The following KATNA1 variants were observed in gnomAD, a reference collection of about 807,000 sequenced individuals.
The protein encoded by KATNA1 is katanin catalytic subunit A1, also known as katanin p60 ATPase-containing subunit A1.
A neutral mutation model predicts 62.6 loss-of-function variants in KATNA1; 42 were observed. That is an observed-to-expected ratio of 0.67 (90% confidence interval 0.52 to 0.87). The LOEUF is 0.87. KATNA1 is among the 40% of genes least tolerant of loss of function. The pLI is 0.00. For synonymous variants in KATNA1, 186 were observed against 201.9 expected (o/e 0.92, Z 0.67); for missense variants, 498 against 612.5 (o/e 0.81, Z 1.97).
chr6:149,628,200 C>G (rs1042339002), intron 3 of KATNA1, among the ~76,000 whole-genome samples: 3 of 151,314 alleles, frequency 2.0e-5, no homozygotes, highest in African/African-American at 7.3e-5. Context: ...TGGGTTCACG[C>G]CATTCTCCTG....
At position 149,595,053 on chromosome 6, in the gene KATNA1, C is replaced by G. The variant is rs775039492; in HGVS notation, c.1459G>C (p.Glu487Gln). 3.7e-6 allele frequency: 6 copies of G among 1,613,702 alleles called. No homozygotes were observed. In the East Asian group the frequency reaches 1.1e-4, roughly 30 times the overall value. Residue 487 changes from glutamate to glutamine, a missense_variant, in exon 11 of 11, where the codon GAG becomes CAG. By Grantham distance (29) the Glu-to-Gln change is conservative. Coordinates refer to ENST00000367411, the MANE Select transcript of KATNA1 (RefSeq NM_007044.4). Reference sequence around the variant, plus strand: ...GTGAGAATTTAGCATGATCCAAACTCAAATATCCATTTCTCGTATCTTTCA... The same window carrying G: ...GTGAGAATTTAGCATGATCCAAACTGAAATATCCATTTCTCGTATCTTTCA... ...DIERYEKWIF[E>Q]FGSC
intron 10 of KATNA1, among the ~76,000 whole-genome samples, chr6:149,595,839 G>A (rs961223919): frequency 5.9e-5 from 9 of 152,122 alleles, no homozygotes; most frequent in Admixed American, 2.0e-4. Flanking sequence ...GGAAACGAGC[G>A]CAGTCAAGCC....
chr6:149,637,365 T>A (rs1485285958), intron 2 of KATNA1, among the ~76,000 whole-genome samples: 1 of 152,088 alleles, frequency 6.6e-6, no homozygotes, highest in Non-Finnish European at 1.5e-5. Context: ...CTGTAGAGAC[T>A]GCACTCCCTC....
intron 4 of KATNA1, among the ~76,000 whole-genome samples, chr6:149,617,378 T>C (rs1779203201): frequency 6.6e-6 from 1 of 152,240 alleles, no homozygotes; most frequent in South Asian, 2.1e-4. Context: ...TAAAACTCAG[T>C]TGAATTTCTA....
chr6:149,607,373 A>C (rs1778778944), intron 4 of KATNA1, among the ~76,000 whole-genome samples: 1 of 152,170 alleles, frequency 6.6e-6, no homozygotes, highest in Non-Finnish European at 1.5e-5. Context: ...TCTAGCACTT[A>C]GGCTGAGGGG....
chr6:149,607,418 G>A (rs1447094287), intron 4 of KATNA1, among the ~76,000 whole-genome samples: 1 of 152,012 alleles, frequency 6.6e-6, no homozygotes, highest in African/African-American at 2.4e-5. Flanking sequence ...TCGAGATCAG[G>A]CTGGCCAACA....
chr6:149,597,259 T>C lies in KATNA1; in HGVS notation c.1151-70A>G, dbSNP rs1361689973. The stretch of plus-strand genomic sequence containing the variant: ...CATAGTATACTATTGTCTCAAATCT[T>C]CTTTGTGTGAGATGTTGTCTTCCAG... On this transcript the variant is annotated intron_variant, in intron 9 of 10. Coordinates refer to ENST00000367411, the MANE Select transcript of KATNA1 (RefSeq NM_007044.4). 4.7e-6 allele frequency: 7 copies of C among 1,498,316 alleles called. No individual in the cohort carries two copies. In the South Asian group the frequency reaches 7.6e-5, roughly 16 times the overall value. 92.8% of individuals were successfully genotyped at this position (1,498,316 alleles called of 1,614,324 possible).
intron 1 of KATNA1, among the ~76,000 whole-genome samples, chr6:149,644,311 C>T (rs1400290287): frequency 6.6e-6 from 1 of 151,854 alleles, no homozygotes; most frequent in Non-Finnish European, 1.5e-5. Context: ...TCTTTCTTCC[C>T]ATTTTCCCAC....
At chr6:149,634,204 C>T (rs9800603) in intron 2 of KATNA1, among the ~76,000 whole-genome samples, 59,787 of 149,618 alleles carry the variant, frequency 0.4, 12,782 homozygotes, top group East Asian at 0.81. Flanking sequence ...ACCCAGGAGG[C>T]GGAAGTTGCA....
At position 149,624,053 on chromosome 6, in the gene KATNA1, C is replaced by T. The variant is rs73781290; in HGVS notation, c.321-770G>A. Among the ~76,000 whole-genome samples the T allele has an allele frequency of 3.6e-3, 551 of 152,252 alleles. 3 individuals carry two copies. The highest frequency in any genetic ancestry group is 0.013 in the African/African-American group (524 of 41,554). The stretch of plus-strand genomic sequence containing the variant: ...GATTGAGTAACCCTTATTCAAAATT[C>T]TGGGGACCAGAAGTGTTTTGAATTT... On this transcript the variant is annotated intron_variant, in intron 3 of 10. Transcript: ENST00000367411.
intron 4 of KATNA1, among the ~76,000 whole-genome samples, chr6:149,622,619 G>C (rs940591892): frequency 9.2e-5 from 14 of 152,082 alleles, no homozygotes; most frequent in African/African-American, 3.4e-4. Flanking sequence ...TTGTTGAATT[G>C]CAAGTGGGGA....
At chr6:149,641,499 AAACTTC>A (rs1780289335) in intron 1 of KATNA1, among the ~76,000 whole-genome samples, 1 of 152,000 alleles carries the variant, frequency 6.6e-6, no homozygotes, top group Non-Finnish European at 1.5e-5. Flanking sequence ...TTTTTTAACC[AAACTTC>A]TAAACAGAAA....
chr6:149,606,663 G>A (rs1778752811), intron 4 of KATNA1, among the ~76,000 whole-genome samples: 1 of 148,574 alleles, frequency 6.7e-6, no homozygotes, highest in Admixed American at 6.8e-5. Context: ...TTGTTGCCCA[G>A]GCTGGAGTGC....
intron 4 of KATNA1, among the ~76,000 whole-genome samples, chr6:149,617,532 T>C (rs2115111273): frequency 6.6e-6 from 1 of 152,352 alleles, no homozygotes; most frequent in East Asian, 1.9e-4. Flanking sequence ...CCAGGCGCAG[T>C]GGCTCACGCC....
chr6:149,602,011 A>G (rs909896145), intron 6 of KATNA1, among the ~76,000 whole-genome samples: 4 of 152,222 alleles, frequency 2.6e-5, no homozygotes, highest in South Asian at 2.1e-4. Flanking sequence ...CAGAGGTACC[A>G]TTAGCATCTG....
chr6:149,606,273 T>C (rs1473442758), intron 4 of KATNA1, among the ~76,000 whole-genome samples: 1 of 152,154 alleles, frequency 6.6e-6, no homozygotes, highest in African/African-American at 2.4e-5. Context: ...GTATTTTTCA[T>C]AAGTGGATGG....
At chr6:149,618,488 T>C (rs1048160113) in intron 4 of KATNA1, among the ~76,000 whole-genome samples, 1 of 149,618 alleles carries the variant, frequency 6.7e-6, no homozygotes, top group Non-Finnish European at 1.5e-5. Flanking sequence ...AAAAAAAAAA[T>C]AAAAAAAAGA....
chr6:149,611,872 G>A (rs1273468270), intron 4 of KATNA1, among the ~76,000 whole-genome samples: 3 of 152,066 alleles, frequency 2.0e-5, no homozygotes, highest in South Asian at 2.1e-4. Flanking sequence ...GGTGGCGGGC[G>A]CCTGTAGTCC....
rs1273964132 is a variant in KATNA1, at chr6:149,596,916, G to C, written c.1277+147C>G. ...ACGTCAGAGGATCACTTGAGCCCAGGAGTTTCAGGCTGCAGTAAGCTGTGA... is the reference window on the plus strand; with the variant it reads ...ACGTCAGAGGATCACTTGAGCCCAGCAGTTTCAGGCTGCAGTAAGCTGTGA... On this transcript the variant is annotated intron_variant, in intron 10 of 10. Transcript: ENST00000367411. 11 of 677,696 alleles carry C rather than the reference G, an allele frequency of 1.6e-5. No individual in the cohort carries two copies. The South Asian group carries it at 2.2e-4, about 14-fold the overall frequency. The allele number at this position is 677,696 out of a possible 1,614,324, so 42.0% of individuals were successfully genotyped here.
Sources: gnomAD v4.1 joint callset for allele counts (sites outside exome capture counted in the v4.1 genomes callset) on GRCh38, gnomAD v4.1.1 for gene constraint, MANE v1.5 for transcripts, NCBI Gene and HGNC (gene_info 2026-07-23, HGNC 2026-07-21) for gene names.